The following GAREM1 variants were observed in gnomAD, a reference collection of about 807,000 sequenced individuals.
The protein encoded by GAREM1 is GRB2-associated and regulator of MAPK protein 1.
GAREM1 carries 26 observed loss-of-function variants against 71.3 expected under a neutral mutation model. That is an observed-to-expected ratio of 0.36 (90% CI 0.27 to 0.51). The LOEUF (loss-of-function observed/expected upper bound fraction) is 0.51. Ranked by LOEUF, GAREM1 falls within the 20% of genes least tolerant of loss-of-function variation. The probability of loss-of-function intolerance (pLI) is 0.95; values close to 1 mark genes in which losing one functional copy is unlikely to be tolerated. For missense variants in GAREM1, 1,026 were observed against 1,103.1 expected (o/e 0.93, Z 0.99); for synonymous variants, 440 against 433.2 (o/e 1.02, Z -0.20).
At chr18:32,377,842 C>T (rs909393489) in intron 2 of GAREM1, among the ~76,000 whole-genome samples, 1 of 152,164 alleles carries the variant, frequency 6.6e-6, no homozygotes, top group Admixed American at 6.5e-5. Flanking sequence ...GGATTACAGG[C>T]GTGAGCCACC....
intron 2 of GAREM1, among the ~76,000 whole-genome samples, chr18:32,317,932 A>AAC (rs35130760): frequency 0.27 from 40,714 of 151,960 alleles, 6,615 homozygotes; most frequent in African/African-American, 0.45. Context: ...CTAATTTTTT[A>AAC]AGACCATTTC....
At chr18:32,398,858 C>T (rs1400390397) in intron 1 of GAREM1, among the ~76,000 whole-genome samples, 1 of 151,972 alleles carries the variant, frequency 6.6e-6, no homozygotes, top group African/African-American at 2.4e-5. Flanking sequence ...GGCAGAGACA[C>T]AACAAAAAAA....
At chr18:32,344,934 T>C (rs2047680033) in intron 2 of GAREM1, among the ~76,000 whole-genome samples, 1 of 152,060 alleles carries the variant, frequency 6.6e-6, no homozygotes, top group Non-Finnish European at 1.5e-5. Flanking sequence ...TGGTGGCGCA[T>C]GCCTGTAATC....
intron 2 of GAREM1, among the ~76,000 whole-genome samples, chr18:32,384,349 T>G (rs2048125311): frequency 6.6e-6 from 1 of 152,212 alleles, no homozygotes; most frequent in Non-Finnish European, 1.5e-5. Flanking sequence ...AAAAATTAAT[T>G]AAGACTGTAA....
intron 2 of GAREM1, among the ~76,000 whole-genome samples, chr18:32,387,207 A>C (rs1273428963): frequency 1.3e-5 from 2 of 152,142 alleles, no homozygotes; most frequent in Non-Finnish European, 2.9e-5. Context: ...TAATTGTAGA[A>C]TAAAAACCAT....
intron 2 of GAREM1, among the ~76,000 whole-genome samples, chr18:32,317,072 G>A (rs904674460): frequency 6.6e-6 from 1 of 152,098 alleles, no homozygotes; most frequent in Non-Finnish European, 1.5e-5. Flanking sequence ...TGGAAGGAGT[G>A]GAAAGTATAG....
chr18:32,377,279 T>C (rs1438468450), intron 2 of GAREM1, among the ~76,000 whole-genome samples: 1 of 152,196 alleles, frequency 6.6e-6, no homozygotes, highest in South Asian at 2.1e-4. Context: ...TATATTGTTG[T>C]TGCTTTAAGC....
At chr18:32,369,388 C>T (rs930015205) in intron 2 of GAREM1, among the ~76,000 whole-genome samples, 1 of 152,122 alleles carries the variant, frequency 6.6e-6, no homozygotes, top group African/African-American at 2.4e-5. Context: ...AATTTCAGCA[C>T]AGACAGACTT....
intron 3 of GAREM1, among the ~76,000 whole-genome samples, chr18:32,298,268 A>G (rs1374610222): frequency 2.0e-5 from 3 of 152,228 alleles, no homozygotes; most frequent in Admixed American, 1.3e-4. Flanking sequence ...TTATACAACT[A>G]ACGTACTGAC....
At chr18:32,332,243 G>A (rs73956880) in intron 2 of GAREM1, among the ~76,000 whole-genome samples, 150 of 151,938 alleles carry the variant, frequency 9.9e-4, no homozygotes, top group African/African-American at 3.4e-3. Flanking sequence ...GAGTAATGGC[G>A]GGGCCGGGAA....
chr18:32,414,107 T>C (rs1396344002), intron 1 of GAREM1, among the ~76,000 whole-genome samples: 1 of 152,140 alleles, frequency 6.6e-6, no homozygotes, highest in African/African-American at 2.4e-5. Context: ...ACTGAAAGTA[T>C]ACAAAAAATT....
intron 1 of GAREM1, among the ~76,000 whole-genome samples, chr18:32,466,912 C>A (rs746682008): frequency 3.3e-5 from 5 of 152,096 alleles, no homozygotes; most frequent in Admixed American, 6.5e-5. Context: ...ACTTGTGGGG[C>A]AACATTTATA....
intron 3 of GAREM1, among the ~76,000 whole-genome samples, chr18:32,288,527 T>C (rs1190944446): frequency 2.0e-5 from 3 of 151,784 alleles, no homozygotes; most frequent in Non-Finnish European, 4.4e-5. Flanking sequence ...ATGTAGAAAA[T>C]TCCTTGTTTT....
chr18:32,283,720 C>T lies in GAREM1; in HGVS notation c.1566+3311G>A, dbSNP rs374078254. Among the ~76,000 whole-genome samples, 35 of 152,196 alleles carry T rather than the reference C, an allele frequency of 2.3e-4. 1 individual carries two copies. The highest frequency in any genetic ancestry group is 7.7e-4 in the African/African-American group (32 of 41,534). ...AACAAAATACATGAATGGGATTAAA[C>T]GGATGACTCTGCCCCCAAGGATTTT... is the stretch of plus-strand genomic sequence containing the variant. On this transcript the variant is annotated intron_variant, in intron 4 of 5. Transcript: ENST00000269209.
At chr18:32,363,051 G>C (rs1367658484) in intron 2 of GAREM1, among the ~76,000 whole-genome samples, 3 of 152,126 alleles carry the variant, frequency 2.0e-5, no homozygotes, top group Non-Finnish European at 4.4e-5. Context: ...TAAGTATTCA[G>C]CCATGGCAAT....
At chr18:32,360,673 G>C (rs1445987615) in intron 2 of GAREM1, among the ~76,000 whole-genome samples, 4 of 152,034 alleles carry the variant, frequency 2.6e-5, no homozygotes, top group African/African-American at 9.7e-5. Context: ...ACTTTCACAG[G>C]ACTCTTGTTT....
At chr18:32,334,660 T>C (rs891711711) in intron 2 of GAREM1, among the ~76,000 whole-genome samples, 2 of 152,248 alleles carry the variant, frequency 1.3e-5, no homozygotes, top group African/African-American at 2.4e-5. Context: ...ACCTATTCCC[T>C]GTGTTTTTGC....
intron 1 of GAREM1, among the ~76,000 whole-genome samples, chr18:32,465,204 C>G (rs545790956): frequency 6.6e-6 from 1 of 151,760 alleles, no homozygotes; most frequent in Non-Finnish European, 1.5e-5. Flanking sequence ...AGATGAACAC[C>G]GAACATCTTC....
At chr18:32,389,426 A>C (rs2048175789) in intron 2 of GAREM1, among the ~76,000 whole-genome samples, 1 of 152,210 alleles carries the variant, frequency 6.6e-6, no homozygotes, top group South Asian at 2.1e-4. Flanking sequence ...AGAGAAAGGC[A>C]CTATAATTAT....
Sources: allele counts gnomAD v4.1 joint callset (sites outside exome capture counted in the v4.1 genomes callset), GRCh38; gene constraint gnomAD v4.1.1; transcripts MANE v1.5; gene names NCBI Gene and HGNC (gene_info 2026-07-23, HGNC 2026-07-21).